The following SHANK2 variants were observed in gnomAD, a reference collection of about 807,000 sequenced individuals.
SHANK2 encodes the protein SH3 and multiple ankyrin repeat domains protein 2.
SHANK2 carries 43 observed loss-of-function variants against 133.7 expected under a neutral mutation model. That is an observed-to-expected ratio of 0.32 (90% CI 0.25 to 0.41). SHANK2 has a LOEUF of 0.41. SHANK2 is among the 10% of genes least tolerant of loss of function. The pLI is 1.00. For synonymous variants in SHANK2, 1,017 were observed against 952.8 expected, an observed-to-expected ratio of 1.07 and a Z score of -1.24; for missense variants, 1,994 against 2,235.8, an observed-to-expected ratio of 0.89 and a Z score of 2.18.
At chr11:71,192,047 G>C (rs1555115520) in intron 2 of SHANK2, among the ~76,000 whole-genome samples, 1 of 151,924 alleles carries the variant, frequency 6.6e-6, no homozygotes, top group East Asian at 1.9e-4. Context: ...TTTTAGTAGA[G>C]ATGGGGTTTC....
intron 14 of SHANK2, among the ~76,000 whole-genome samples, chr11:70,761,915 CCCGG>C (rs1947005416): frequency 1.3e-5 from 2 of 148,690 alleles, no homozygotes; most frequent in South Asian, 2.3e-4. Context: ...CTAGCAAGTT[CCCGG>C]CTGCTGCTGC....
intron 17 of SHANK2, among the ~76,000 whole-genome samples, chr11:70,581,542 T>A (rs77024659): frequency 0.029 from 4,487 of 152,198 alleles, 108 homozygotes; most frequent in East Asian, 0.097. Flanking sequence ...AATACAAAAA[T>A]TAACCGGGCG....
chr11:70,759,927 T>A (rs565107390), intron 14 of SHANK2, among the ~76,000 whole-genome samples: 2 of 152,338 alleles, frequency 1.3e-5, no homozygotes, highest in African/African-American at 4.8e-5. Flanking sequence ...GACTGAGGCA[T>A]GGGACGGATT....
chr11:71,086,391 TATATG>T (rs1213771779), intron 8 of SHANK2, among the ~76,000 whole-genome samples: 2 of 131,318 alleles, frequency 1.5e-5, no homozygotes, highest in African/African-American at 2.9e-5. Context: ...TAATATATGA[TATATG>T]ATATATTATT....
chr11:71,203,915 G>A (rs1424007400), intron 2 of SHANK2, among the ~76,000 whole-genome samples: 2 of 152,190 alleles, frequency 1.3e-5, no homozygotes, highest in Admixed American at 6.5e-5. Context: ...ATCTTTGGGG[G>A]GAACCATCTA....
At chr11:71,168,600 A>C (rs1241738673) in intron 2 of SHANK2, among the ~76,000 whole-genome samples, 4 of 152,148 alleles carry the variant, frequency 2.6e-5, no homozygotes, top group African/African-American at 9.7e-5. Context: ...AGGCTGGCGG[A>C]TCACTCGCAG....
In SHANK2 at chr11:71,110,002, C is replaced by T; in HGVS notation, c.531G>A (p.Glu177=). 1 of 1,551,754 alleles carries T rather than the reference C, an allele frequency of 6.4e-7. No homozygotes were observed. The highest frequency in any genetic ancestry group is 8.7e-7 in the Non-Finnish European group (1 of 1,146,976). The change falls in exon 6 of 26, where the codon GAG becomes GAA. Residue 177 remains glutamate (E), a synonymous_variant. Coordinates refer to ENST00000601538, the MANE Select transcript of SHANK2 (RefSeq NM_012309.5). ...CMDHIQHRLV[E]KITKMLDRGL... ...CTCGGTCCAGCATCTTGGTGATCTTCTCCACCAAGCGATGCTGAATGTGAT... is the reference window on the plus strand; with the variant it reads ...CTCGGTCCAGCATCTTGGTGATCTTTTCCACCAAGCGATGCTGAATGTGAT...
At position 71,086,138 on chromosome 11, in the gene SHANK2, TATATTA is replaced by T. The variant is rs1951406443; in HGVS notation, c.912+6278_912+6283del. ...TTATATAATATATTAAATTATATAA[TATATTA>T]TGTTATATAATATATTAAATTATAT... On this transcript the variant is annotated intron_variant, in intron 8 of 25. Coordinates refer to ENST00000601538, the MANE Select transcript of SHANK2 (RefSeq NM_012309.5). 3.1e-3 allele frequency among the ~76,000 whole-genome samples: 44 copies of T among 14,242 alleles called. 5 individuals carry two copies. The highest frequency in any genetic ancestry group is 7.6e-3 in the Admixed American group (5 of 654). 9.3% of individuals were successfully genotyped at this position (14,242 alleles called of 152,430 possible). A position where few individuals can be genotyped will look rare whatever the true frequency, so the allele number is the denominator to read the frequency against.
At chr11:70,861,045 C>T (rs1043961666) in intron 11 of SHANK2, among the ~76,000 whole-genome samples, 1 of 152,166 alleles carries the variant, frequency 6.6e-6, no homozygotes, top group South Asian at 2.1e-4. Flanking sequence ...CTTTCCGGGC[C>T]CCCTTGTGGG....
At chr11:71,196,235 C>G (rs1196379298) in intron 2 of SHANK2, among the ~76,000 whole-genome samples, 1 of 152,056 alleles carries the variant, frequency 6.6e-6, no homozygotes, top group Non-Finnish European at 1.5e-5. Flanking sequence ...TTCTTAAATT[C>G]TAGCTACATG....
chr11:70,693,819 G>A (rs1555021618), intron 15 of SHANK2, among the ~76,000 whole-genome samples: 1 of 152,196 alleles, frequency 6.6e-6, no homozygotes, highest in Non-Finnish European at 1.5e-5. Context: ...TGGGTGGATG[G>A]ATGGATGAAG....
At chr11:70,631,200 G>A (rs1416038411) in intron 17 of SHANK2, 3 of 152,292 alleles carry the variant, frequency 2.0e-5, no homozygotes, top group African/African-American at 7.2e-5. Flanking sequence ...GGAGGCCTTA[G>A]GAACAGGAGA....
intron 2 of SHANK2, chr11:71,174,839 G>A (rs1953394345): frequency 6.6e-6 from 1 of 152,296 alleles, no homozygotes; most frequent in Admixed American, 6.5e-5. Flanking sequence ...GCAACAGAGT[G>A]TGATCCTGTC....
chr11:70,524,666 C>T (rs1451658895), intron 17 of SHANK2, among the ~76,000 whole-genome samples: 3 of 152,190 alleles, frequency 2.0e-5, no homozygotes, highest in Admixed American at 1.3e-4. Context: ...GTCCACGATA[C>T]TGATGACATT....
intron 1 of SHANK2, among the ~76,000 whole-genome samples, chr11:71,232,445 G>C (rs1302190123): frequency 6.6e-6 from 1 of 152,084 alleles, no homozygotes; most frequent in Non-Finnish European, 1.5e-5. Context: ...AGCAACACAG[G>C]TTTGAACTTC....
rs924269780 is a variant in SHANK2 at position 71,175,215 on chromosome 11, A to G, written c.-12-27877T>C. Among the ~76,000 whole-genome samples, 3 of 152,174 alleles carry G rather than the reference A, an allele frequency of 2.0e-5. No individual in the cohort carries two copies. Among genetic ancestry groups the G allele is most frequent in the Non-Finnish European group, 4.4e-5 (3 of 68,044 alleles). On this transcript the variant is annotated intron_variant, in intron 2 of 25. Coordinates refer to ENST00000601538, the MANE Select transcript of SHANK2 (RefSeq NM_012309.5). The surrounding 1 kb of genome is among the most constrained non-coding windows in gnomAD (Gnocchi z 4.2). ...CCAGTGCTTCCTCGGCACCTAGTCCAACTCAGCACAAGTACGAAGAACCAA... is the reference window on the plus strand; with the variant it reads ...CCAGTGCTTCCTCGGCACCTAGTCCGACTCAGCACAAGTACGAAGAACCAA...
intron 1 of SHANK2, among the ~76,000 whole-genome samples, chr11:71,234,777 G>A (rs541541715): frequency 3.3e-5 from 5 of 152,218 alleles, no homozygotes; most frequent in Non-Finnish European, 7.4e-5. Context: ...CCAGAGTCCC[G>A]GGCACTGGAG....
At chr11:70,727,182 G>A (rs1946195483) in intron 14 of SHANK2, among the ~76,000 whole-genome samples, 1 of 152,280 alleles carries the variant, frequency 6.6e-6, no homozygotes, top group African/African-American at 2.4e-5. Context: ...AAATGGAGAT[G>A]ACAAATCTTG....
chr11:70,588,903 C>T (rs927978056), intron 17 of SHANK2, among the ~76,000 whole-genome samples: 49 of 152,300 alleles, frequency 3.2e-4, no homozygotes, highest in East Asian at 5.8e-4. Flanking sequence ...CTGCAAGCTC[C>T]GCCTCCCGGG....
Sources: gnomAD v4.1 joint callset for allele counts (sites outside exome capture counted in the v4.1 genomes callset) on GRCh38, gnomAD v4.1.1 for gene constraint, Gnocchi (gnomAD v3.1) non-coding constraint, MANE v1.5 for transcripts, NCBI Gene and HGNC (gene_info 2026-07-23, HGNC 2026-07-21) for gene names.